The following HTR1E variants were observed in gnomAD, a reference collection of about 807,000 sequenced individuals.
The protein encoded by HTR1E is 5-hydroxytryptamine receptor 1E.
A neutral mutation model predicts 3.4 loss-of-function variants in HTR1E; 3 were observed. That is an observed-to-expected ratio of 0.89 (90% CI 0.41 to 2.31). The LOEUF is 2.31. HTR1E is among the 30% of genes most tolerant of loss of function. The probability of loss-of-function intolerance (pLI) is 0.05; values close to 1 mark genes in which losing one functional copy is unlikely to be tolerated. For missense variants in HTR1E, 392 were observed against 467.0 expected, an observed-to-expected ratio of 0.84 and a Z score of 1.48; for synonymous variants, 170 against 182.8, an observed-to-expected ratio of 0.93 and a Z score of 0.56.
chr6:87,016,216 G>T lies in HTR1E; in HGVS notation c.882G>T (p.Gly294=). ...AACGGAAGGCAGCACGCATCCTGGG[G>T]CTGATTCTGGGTGCATTCATTTTAT... The part of the protein sequence containing the change: ...TRERKAARIL[G]LILGAFILSW... The change falls in exon 2 of 2, where the codon GGG becomes GGT. Residue 294 remains glycine, a synonymous_variant. Transcript: ENST00000305344. 1 of 1,614,120 alleles carries T rather than the reference G, an allele frequency of 6.2e-7. No individual in the cohort carries two copies. The highest frequency in any genetic ancestry group is 8.5e-7 in the Non-Finnish European group (1 of 1,180,020).
intron 1 of HTR1E, among the ~76,000 whole-genome samples, chr6:86,955,636 A>C (rs1767310276): frequency 6.6e-6 from 1 of 152,246 alleles, no homozygotes; most frequent in Non-Finnish European, 1.5e-5. Context: ...AATTTGTTAC[A>C]CAGCAATAGA....
intron 1 of HTR1E, among the ~76,000 whole-genome samples, chr6:86,986,511 A>G (rs1468208136): frequency 2.6e-5 from 4 of 152,164 alleles, no homozygotes; most frequent in African/African-American, 7.2e-5. Flanking sequence ...TCAGATATCA[A>G]TGTAGGCTAG....
intron 1 of HTR1E, among the ~76,000 whole-genome samples, chr6:86,945,744 G>GT (rs1768607318): frequency 6.6e-6 from 1 of 151,488 alleles, no homozygotes; most frequent in South Asian, 2.1e-4. Context: ...TTTTGTTTTT[G>GT]TTTTTTTGAG....
intron 1 of HTR1E, among the ~76,000 whole-genome samples, chr6:86,958,138 C>A: frequency 6.6e-6 from 1 of 150,952 alleles, no homozygotes; most frequent in Non-Finnish European, 1.5e-5. Context: ...GGCTCACTGC[C>A]AGCTCCGCCT....
intron 1 of HTR1E, chr6:86,971,082 A>G: frequency 3.9e-6 from 2 of 511,946 alleles, no homozygotes; most frequent in Non-Finnish European, 7.7e-6. Context: ...GGCCCTCCAA[A>G]TTATCCTCTC....
intron 1 of HTR1E, among the ~76,000 whole-genome samples, chr6:86,969,476 C>T (rs1397279278): frequency 1.3e-5 from 2 of 152,186 alleles, no homozygotes; most frequent in Non-Finnish European, 2.9e-5. Flanking sequence ...AGATTTCTCA[C>T]TAATTATCTT....
chr6:86,947,930 T>C (rs1358898968), intron 1 of HTR1E, among the ~76,000 whole-genome samples: 2 of 152,224 alleles, frequency 1.3e-5, no homozygotes, highest in Non-Finnish European at 2.9e-5. Context: ...GTTTGTTACA[T>C]AGGTGTACAT....
At chr6:86,941,389 A>G (rs1482929473) in intron 1 of HTR1E, among the ~76,000 whole-genome samples, 2 of 152,190 alleles carry the variant, frequency 1.3e-5, no homozygotes, top group Admixed American at 1.3e-4. Flanking sequence ...ATTTTGTCTC[A>G]TGCACTGTGG....
At chr6:86,987,384 T>A (rs1767804461) in intron 1 of HTR1E, among the ~76,000 whole-genome samples, 1 of 152,142 alleles carries the variant, frequency 6.6e-6, no homozygotes, top group Admixed American at 6.6e-5. Context: ...GCTGATCTCA[T>A]CCAACCTCCC....
intron 1 of HTR1E, among the ~76,000 whole-genome samples, chr6:87,009,252 T>C (rs563938333): frequency 0.015 from 2,263 of 149,332 alleles, 53 homozygotes; most frequent in African/African-American, 0.052. Flanking sequence ...GATTAGGGAT[T>C]GGTGATGACT....
chr6:86,997,974 G>T (rs891709415), intron 1 of HTR1E, among the ~76,000 whole-genome samples: 1 of 151,808 alleles, frequency 6.6e-6, no homozygotes, highest in African/African-American at 2.4e-5. Context: ...CTAAACATCA[G>T]AACAGAGAAT....
intron 1 of HTR1E, among the ~76,000 whole-genome samples, chr6:86,990,761 T>C (rs1767861534): frequency 6.6e-6 from 1 of 152,118 alleles, no homozygotes; most frequent in South Asian, 2.1e-4. Flanking sequence ...ACAAATAAAG[T>C]AGGGGAGAAG....
rs911462016 is a variant in HTR1E at position 87,016,487 on chromosome 6, G to A, written c.*55G>A. 8.3e-6 allele frequency: 12 copies of A among 1,446,092 alleles called. No individual in the cohort carries two copies. Among genetic ancestry groups the A allele is most frequent in the Non-Finnish European group, 1.1e-5 (12 of 1,065,850 alleles). 89.6% of individuals were successfully genotyped at this position (1,446,092 alleles called of 1,614,324 possible). ...TCCAGAGCCTCATGAGTGGATGGGG[G>A]TAAGGGGTGCAACTTATTAATTCTT... On this transcript the variant is annotated 3_prime_UTR_variant, in exon 2 of 2. Transcript: ENST00000305344.
chr6:86,959,795 A>C (rs1345093062), intron 1 of HTR1E, among the ~76,000 whole-genome samples: 1 of 152,142 alleles, frequency 6.6e-6, no homozygotes, highest in Non-Finnish European at 1.5e-5. Context: ...GTATCAGAAG[A>C]TCACTTCATG....
chr6:86,949,568 C>A (rs1767194728), intron 1 of HTR1E, among the ~76,000 whole-genome samples: 1 of 152,094 alleles, frequency 6.6e-6, no homozygotes, highest in African/African-American at 2.4e-5. Flanking sequence ...TTTCCATCCA[C>A]ATAATTGAAC....
At chr6:86,975,518 C>T (rs1767618082) in intron 1 of HTR1E, among the ~76,000 whole-genome samples, 1 of 152,032 alleles carries the variant, frequency 6.6e-6, no homozygotes, top group African/African-American at 2.4e-5. Context: ...CCTGAAAATT[C>T]CATGCCAGGC....
intron 1 of HTR1E, among the ~76,000 whole-genome samples, chr6:87,010,000 C>G (rs1290155996): frequency 1.7e-5 from 2 of 117,254 alleles, no homozygotes; most frequent in Non-Finnish European, 3.5e-5. Context: ...GGTGGCTGGC[C>G]GGGCGGAGGG....
In HTR1E at chr6:87,016,010, A is replaced by G; in HGVS notation, c.676A>G (p.Ser226Gly). The change falls in exon 2 of 2, where the codon AGC becomes GGC. Residue 226 changes from serine (S) to glycine (G), a missense_variant. Around this residue, in one of 3 missense-constraint regions of HTR1E, gnomAD observed 178 missense variants for 164.9 expected, o/e 1.08. Transcript: ENST00000305344. ...ATCAAGTCGGCACTTAAGCAACAGAAGCACAGATAGCCAGAATTCTTTTGC... is the reference window on the plus strand; with the variant it reads ...ATCAAGTCGGCACTTAAGCAACAGAGGCACAGATAGCCAGAATTCTTTTGC... ...RGSSRHLSNR[S>G]TDSQNSFASC... The G allele has an allele frequency of 1.2e-6, 2 of 1,614,242 alleles. No individual in the cohort carries two copies. Among genetic ancestry groups the G allele is most frequent in the African/African-American group, 1.3e-5 (1 of 75,062 alleles).
intron 1 of HTR1E, among the ~76,000 whole-genome samples, chr6:87,012,840 C>T (rs944839249): frequency 5.3e-5 from 8 of 152,210 alleles, no homozygotes; most frequent in African/African-American, 1.4e-4. Context: ...AGCAGGCTAA[C>T]GTTAAAGAAC....
Sources: allele counts gnomAD v4.1 joint callset (sites outside exome capture counted in the v4.1 genomes callset), GRCh38; gene constraint gnomAD v4.1.1; regional missense constraint gnomAD v4.1.1; transcripts MANE v1.5; gene names NCBI Gene and HGNC (gene_info 2026-07-23, HGNC 2026-07-21).